The following RCAN2 variants were observed in gnomAD, a reference collection of about 807,000 sequenced individuals.
The protein encoded by RCAN2 is calcipressin-2.
Under a neutral mutation model 23.6 loss-of-function variants are expected in RCAN2, and 9 were observed. That is an observed-to-expected ratio of 0.38 (90% CI 0.23 to 0.67). The LOEUF is 0.67. RCAN2 is among the 30% of genes least tolerant of loss of function. The probability of loss-of-function intolerance (pLI) is 0.51; values close to 1 mark genes in which losing one functional copy is unlikely to be tolerated. For missense variants in RCAN2, 273 were observed against 302.3 expected (o/e 0.90, Z 0.72); for synonymous variants, 109 against 115.7 (o/e 0.94, Z 0.37).
chr6:46,347,564 A>C (rs1041989023), intron 2 of RCAN2, among the ~76,000 whole-genome samples: 3 of 152,240 alleles, frequency 2.0e-5, no homozygotes, highest in Admixed American at 1.3e-4. Context: ...CAAAATGTAA[A>C]AAGTATCTTA....
At chr6:46,488,372 C>T (rs1446241315) in intron 1 of RCAN2, among the ~76,000 whole-genome samples, 1 of 152,294 alleles carries the variant, frequency 6.6e-6, no homozygotes, top group East Asian at 1.9e-4. Context: ...GTTCTAACTT[C>T]CTTGTGTTCA....
intron 2 of RCAN2, among the ~76,000 whole-genome samples, chr6:46,286,575 A>C (rs147245038): frequency 6.2e-4 from 94 of 152,340 alleles, no homozygotes; most frequent in African/African-American, 2.2e-3. Flanking sequence ...AAGATGGACT[A>C]TCCAGGCTGG....
intron 2 of RCAN2, among the ~76,000 whole-genome samples, chr6:46,313,039 T>C (rs924460120): frequency 5.3e-5 from 8 of 152,178 alleles, no homozygotes; most frequent in Admixed American, 5.2e-4. Context: ...TAATACTACG[T>C]TCATCCAGGA....
At chr6:46,287,075 T>C (rs1191775764) in intron 2 of RCAN2, among the ~76,000 whole-genome samples, 1 of 151,922 alleles carries the variant, frequency 6.6e-6, no homozygotes, top group Non-Finnish European at 1.5e-5. Context: ...ACTGTGGTTA[T>C]CTAGGAAGTG....
intron 1 of RCAN2, among the ~76,000 whole-genome samples, chr6:46,461,331 T>C (rs1388021966): frequency 6.6e-6 from 1 of 152,220 alleles, no homozygotes; most frequent in Non-Finnish European, 1.5e-5. Context: ...TGTATGAATC[T>C]GTCATAATTT....
chr6:46,308,213 T>C (rs1205455764), intron 2 of RCAN2, among the ~76,000 whole-genome samples: 1 of 152,174 alleles, frequency 6.6e-6, no homozygotes, highest in Non-Finnish European at 1.5e-5. Flanking sequence ...ACAGTTCTTA[T>C]TATATATGGG....
chr6:46,383,168 AGTGTGTGTGTGT>A (rs71305761), intron 2 of RCAN2, among the ~76,000 whole-genome samples: 2 of 139,398 alleles, frequency 1.4e-5, no homozygotes, highest in South Asian at 2.4e-4. Context: ...CAGCCTGGGT[AGTGTGTGTGTGT>A]GTGTGTGTGT....
intron 2 of RCAN2, among the ~76,000 whole-genome samples, chr6:46,345,628 C>A (rs755889492): frequency 1.3e-5 from 2 of 152,130 alleles, no homozygotes; most frequent in Non-Finnish European, 2.9e-5. Context: ...AAGGTCAAAA[C>A]TATTTTCAAA....
At chr6:46,328,996 C>T (rs1294322878) in intron 2 of RCAN2, among the ~76,000 whole-genome samples, 1 of 152,164 alleles carries the variant, frequency 6.6e-6, no homozygotes, top group Non-Finnish European at 1.5e-5. Flanking sequence ...GGCTACAAGG[C>T]CTTGTAAACA....
intron 1 of RCAN2, among the ~76,000 whole-genome samples, chr6:46,486,785 T>C (rs1196996010): frequency 6.6e-6 from 1 of 152,192 alleles, no homozygotes; most frequent in Admixed American, 6.5e-5. Flanking sequence ...ATCCATACTA[T>C]AAAAAATATT....
At chr6:46,428,476 T>C (rs1258181279) in intron 2 of RCAN2, among the ~76,000 whole-genome samples, 1 of 152,232 alleles carries the variant, frequency 6.6e-6, no homozygotes, top group Admixed American at 6.5e-5. Context: ...ACAGTAAACA[T>C]AGTTGGAACT....
intron 2 of RCAN2, among the ~76,000 whole-genome samples, chr6:46,445,207 C>T (rs893533760): frequency 6.6e-6 from 1 of 152,216 alleles, no homozygotes; most frequent in South Asian, 2.1e-4. Context: ...TAGACTCAGG[C>T]TCTAGGCCTG....
chr6:46,338,905 C>T (rs1163375944), intron 2 of RCAN2, among the ~76,000 whole-genome samples: 2 of 148,850 alleles, frequency 1.3e-5, no homozygotes, highest in Admixed American at 1.4e-4. Context: ...ATACCAGCTA[C>T]TCAGGAAGCT....
intron 2 of RCAN2, among the ~76,000 whole-genome samples, chr6:46,271,268 C>A (rs1361162640): frequency 1.3e-5 from 2 of 152,152 alleles, no homozygotes; most frequent in African/African-American, 4.8e-5. Context: ...GGCCAACAGG[C>A]TGGAGAGGTA....
At chr6:46,461,990 G>A (rs1768229959) in intron 1 of RCAN2, among the ~76,000 whole-genome samples, 1 of 152,198 alleles carries the variant, frequency 6.6e-6, no homozygotes, top group Non-Finnish European at 1.5e-5. Context: ...AATAACATGT[G>A]AATGAAAGCT....
chr6:46,399,858 C>T (rs1028999240), intron 2 of RCAN2, among the ~76,000 whole-genome samples: 3 of 152,074 alleles, frequency 2.0e-5, no homozygotes, highest in Non-Finnish European at 4.4e-5. Flanking sequence ...TTGCAAAGAC[C>T]CTTTTTCCAA....
chr6:46,313,008 A>G (rs767782829), intron 2 of RCAN2, among the ~76,000 whole-genome samples: 5 of 152,128 alleles, frequency 3.3e-5, no homozygotes, highest in Non-Finnish European at 5.9e-5. Context: ...ACTCCTTCAT[A>G]ATGTGACCCC....
chr6:46,422,606 T>C (rs1029900887), intron 2 of RCAN2, among the ~76,000 whole-genome samples: 9 of 152,096 alleles, frequency 5.9e-5, no homozygotes, highest in Admixed American at 3.9e-4. Flanking sequence ...GAACATACCA[T>C]AGAATTTCAA....
chr6:46,341,677 A>C (rs1764322581), intron 2 of RCAN2, among the ~76,000 whole-genome samples: 1 of 152,158 alleles, frequency 6.6e-6, no homozygotes, highest in Admixed American at 6.5e-5. Context: ...AGGCACCTGT[A>C]ATCCCAGCTA....
Sources: allele counts gnomAD v4.1 joint callset (sites outside exome capture counted in the v4.1 genomes callset), GRCh38; gene constraint gnomAD v4.1.1; transcripts MANE v1.5; gene names NCBI Gene and HGNC (gene_info 2026-07-23, HGNC 2026-07-21).